Variants in PPP1R9A observed in about 807,000 individuals in gnomAD.
PPP1R9A encodes the protein protein phosphatase 1 regulatory subunit 9A.
PPP1R9A carries 59 observed loss-of-function variants against 141.9 expected under a neutral mutation model. The ratio of observed to expected loss-of-function variants is 0.42; its 90% CI spans 0.34 to 0.52. The LOEUF is 0.52. Among genes scored for constraint, PPP1R9A ranks in the 20% least tolerant of loss-of-function variants. The pLI is 0.10. For synonymous variants in PPP1R9A, 500 were observed against 569.7 expected, an observed-to-expected ratio of 0.88 and a Z score of 1.74; for missense variants, 1,444 against 1,611.9, an observed-to-expected ratio of 0.90 and a Z score of 1.78.
At chr7:94,960,614 T>C (rs534986891) in intron 2 of PPP1R9A, among the ~76,000 whole-genome samples, 3 of 151,686 alleles carry the variant, frequency 2.0e-5, no homozygotes, top group Non-Finnish European at 4.4e-5. Context: ...ATTTCATTCT[T>C]ACCATAAACC....
intron 2 of PPP1R9A, among the ~76,000 whole-genome samples, chr7:95,044,715 AAT>A (rs113738865): frequency 0.49 from 69,705 of 142,162 alleles, 17,974 homozygotes; most frequent in African/African-American, 0.61. Context: ...CAGCTAATTA[AAT>A]ATATATATAT....
At chr7:95,093,345 C>T (rs773316323) in intron 2 of PPP1R9A, among the ~76,000 whole-genome samples, 1 of 152,132 alleles carries the variant, frequency 6.6e-6, no homozygotes, top group Non-Finnish European at 1.5e-5. Flanking sequence ...TATATATTTA[C>T]ATATTTAAAT....
At chr7:95,280,925 G>C (rs1048825372) in intron 16 of PPP1R9A, among the ~76,000 whole-genome samples, 17 of 152,162 alleles carry the variant, frequency 1.1e-4, no homozygotes, top group Non-Finnish European at 5.9e-5. Flanking sequence ...TAGACTATAA[G>C]AGTGGTCAAC....
chr7:95,113,538 C>A (rs1820950072), intron 3 of PPP1R9A, among the ~76,000 whole-genome samples: 1 of 152,120 alleles, frequency 6.6e-6, no homozygotes, highest in Non-Finnish European at 1.5e-5. Flanking sequence ...AAATACCCAA[C>A]CAAACAAACA....
intron 2 of PPP1R9A, among the ~76,000 whole-genome samples, chr7:94,934,586 A>G (rs1362492742): frequency 6.6e-6 from 1 of 152,052 alleles, no homozygotes; most frequent in Admixed American, 6.6e-5. Context: ...ATAGTCAGAA[A>G]TTCACAGTAC....
chr7:94,974,365 A>T (rs1161551118), intron 2 of PPP1R9A, among the ~76,000 whole-genome samples: 2 of 152,212 alleles, frequency 1.3e-5, no homozygotes, highest in Non-Finnish European at 2.9e-5. Context: ...GAATAGTTTT[A>T]TAAGATGAAA....
chr7:95,123,599 A>C (rs1361445230), intron 4 of PPP1R9A, among the ~76,000 whole-genome samples: 1 of 152,198 alleles, frequency 6.6e-6, no homozygotes, highest in Non-Finnish European at 1.5e-5. Context: ...CAGTGAGCCA[A>C]GATTGTGCCA....
At chr7:95,108,027 G>A (rs1429665402) in intron 2 of PPP1R9A, among the ~76,000 whole-genome samples, 1 of 151,910 alleles carries the variant, frequency 6.6e-6, no homozygotes, top group Non-Finnish European at 1.5e-5. Context: ...TCATTTTGTT[G>A]TATTTTCTAA....
At chr7:95,106,765 T>C (rs1260560911) in intron 2 of PPP1R9A, among the ~76,000 whole-genome samples, 1 of 152,000 alleles carries the variant, frequency 6.6e-6, no homozygotes, top group Non-Finnish European at 1.5e-5. Context: ...AAAAGTATCC[T>C]TTTTTTCTAT....
At chr7:95,187,578 C>G (rs544869230) in intron 5 of PPP1R9A, among the ~76,000 whole-genome samples, 2 of 151,928 alleles carry the variant, frequency 1.3e-5, no homozygotes, top group Non-Finnish European at 2.9e-5. Flanking sequence ...TCTCTAGTTC[C>G]TTGAGTTGTG....
rs146520634 is a variant in PPP1R9A, at chr7:95,077,917, C to A, written c.1396-33342C>A. ...CCTGCCACAGAGGGAGATACTCTTA[C>A]AAATGGAGCTTTTCTTCATAGATCT... On this transcript the variant is annotated intron_variant, in intron 2 of 19. Transcript: ENST00000433360. Among the ~76,000 whole-genome samples, 595 of 151,490 alleles carry A rather than the reference C, an allele frequency of 3.9e-3. 24 individuals are homozygous for A. Among genetic ancestry groups the A allele is most frequent in the East Asian group, 0.038 (194 of 5,138 alleles).
intron 2 of PPP1R9A, among the ~76,000 whole-genome samples, chr7:95,087,585 A>G (rs1816792651): frequency 6.6e-6 from 1 of 151,996 alleles, no homozygotes; most frequent in African/African-American, 2.4e-5. Context: ...AAGGATAAGT[A>G]GTTTTTTGGA....
chr7:95,167,450 G>A (rs1831438272), intron 5 of PPP1R9A, among the ~76,000 whole-genome samples: 1 of 152,110 alleles, frequency 6.6e-6, no homozygotes, highest in Non-Finnish European at 1.5e-5. Context: ...TGTATTGAGT[G>A]GGGAAAAGCT....
At chr7:94,954,552 T>C (rs2151065766) in intron 2 of PPP1R9A, among the ~76,000 whole-genome samples, 1 of 152,042 alleles carries the variant, frequency 6.6e-6, no homozygotes, top group South Asian at 2.1e-4. Context: ...TTTTTAAGAA[T>C]GTCTTATGAA....
intron 2 of PPP1R9A, among the ~76,000 whole-genome samples, chr7:95,003,090 TA>T (rs1049061296): frequency 2.0e-5 from 3 of 151,916 alleles, no homozygotes; most frequent in Admixed American, 1.3e-4. Flanking sequence ...TTGCCTTTTT[TA>T]AAAAAAAGCT....
intron 2 of PPP1R9A, among the ~76,000 whole-genome samples, chr7:95,005,552 A>G (rs1021334103): frequency 6.6e-6 from 1 of 152,210 alleles, no homozygotes; most frequent in African/African-American, 2.4e-5. Flanking sequence ...TGCAAAAAAG[A>G]AAATCCACAG....
At chr7:94,963,264 G>T (rs962916090) in intron 2 of PPP1R9A, among the ~76,000 whole-genome samples, 6 of 152,076 alleles carry the variant, frequency 3.9e-5, no homozygotes, top group African/African-American at 1.4e-4. Context: ...GATTGGTGAA[G>T]CATGGAAATG....
At chr7:95,004,130 C>G (rs1803297474) in intron 2 of PPP1R9A, among the ~76,000 whole-genome samples, 1 of 151,906 alleles carries the variant, frequency 6.6e-6, no homozygotes, top group Non-Finnish European at 1.5e-5. Flanking sequence ...TGAGCATCTC[C>G]TGCTTTTTTA....
At chr7:95,200,159 AT>A (rs1789225268) in intron 6 of PPP1R9A, among the ~76,000 whole-genome samples, 1 of 151,968 alleles carries the variant, frequency 6.6e-6, no homozygotes, top group Non-Finnish European at 1.5e-5. Flanking sequence ...AGATAGTCAC[AT>A]TTTTAAGGCA....
Sources: gnomAD v4.1 joint callset for allele counts (sites outside exome capture counted in the v4.1 genomes callset) on GRCh38, gnomAD v4.1.1 for gene constraint, MANE v1.5 for transcripts, NCBI Gene and HGNC (gene_info 2026-07-23, HGNC 2026-07-21) for gene names.